The following ROBO2 variants were observed in gnomAD, a reference collection of about 807,000 sequenced individuals.
ROBO2 encodes roundabout guidance receptor 2.
In ROBO2, 53 loss-of-function variants were observed where a neutral mutation model predicts 160.8. The ratio of observed to expected loss-of-function variants is 0.33; its 90% CI spans 0.26 to 0.41. ROBO2 has a LOEUF of 0.41. ROBO2 is among the 10% of genes least tolerant of loss of function. The pLI, the probability that ROBO2 is intolerant of heterozygous loss-of-function variation, is 1.00. For missense variants in ROBO2, 1,577 were observed against 1,722.4 expected, an observed-to-expected ratio of 0.92 and a Z score of 1.49; for synonymous variants, 664 against 611.7, an observed-to-expected ratio of 1.09 and a Z score of -1.26.
intron 21 of ROBO2, 124 bp downstream of exon 22, chr3:77,608,078 T>C (rs1270907962): frequency 2.4e-6 from 2 of 820,056 alleles, no homozygotes; most frequent in Non-Finnish European, 4.1e-6. Context: ...GTTCATTGCA[T>C]TTCCCCCTCT....
chr3:76,396,207 A>G (rs1474818191), intron 2 of ROBO2, among the ~76,000 whole-genome samples: 2 of 152,152 alleles, frequency 1.3e-5, no homozygotes, highest in African/African-American at 4.8e-5. Context: ...TATAAACAGA[A>G]CCAAAGACAA....
chr3:76,638,783 A>G (rs898148063), intron 2 of ROBO2, among the ~76,000 whole-genome samples: 1 of 152,098 alleles, frequency 6.6e-6, no homozygotes, highest in Non-Finnish European at 1.5e-5. Flanking sequence ...TACTCTGAGT[A>G]TGTAGGAAAA....
chr3:76,445,675 A>G (rs2077145136), intron 2 of ROBO2, among the ~76,000 whole-genome samples: 1 of 152,174 alleles, frequency 6.6e-6, no homozygotes, highest in African/African-American at 2.4e-5. Flanking sequence ...GCAACTCATC[A>G]AAAAGCTTAT....
intron 2 of ROBO2, among the ~76,000 whole-genome samples, chr3:76,380,447 A>T (rs1483349254): frequency 6.6e-6 from 1 of 152,184 alleles, no homozygotes; most frequent in Non-Finnish European, 1.5e-5. Context: ...CCGAGTTTGA[A>T]CTATGAGGGT....
At chr3:77,625,979 G>T (rs532208091) in intron 23 of ROBO2, among the ~76,000 whole-genome samples, 1 of 151,984 alleles carries the variant, frequency 6.6e-6, no homozygotes, top group Non-Finnish European at 1.5e-5. Flanking sequence ...TAAAGCCTTT[G>T]TCCAGGTTAC....
intron 2 of ROBO2, among the ~76,000 whole-genome samples, chr3:76,299,707 G>A (rs1709262441): frequency 6.6e-6 from 1 of 152,152 alleles, no homozygotes; most frequent in Admixed American, 6.5e-5. Flanking sequence ...AAAGGTGAGA[G>A]ATGTTAGTGG....
intron 2 of ROBO2, among the ~76,000 whole-genome samples, chr3:77,298,145 G>A (rs900526407): frequency 6.6e-6 from 1 of 152,244 alleles, no homozygotes; most frequent in African/African-American, 2.4e-5. Flanking sequence ...AATTCTGAAG[G>A]TTGTGACTTA....
rs10654899 is a variant in ROBO2 at position 77,219,489 on chromosome 3, GTATATATATA to G, written c.388+121165_388+121174del. The stretch of plus-strand genomic sequence containing the variant: ...CTGTGTATATATATATATATAATCT[GTATATATATA>G]TATATATATATATATCTGTGTGTGT... On this transcript the variant is annotated intron_variant, in intron 2 of 25. Transcript: ENST00000461745. Among the ~76,000 whole-genome samples, 58 of 111,474 alleles carry G rather than the reference GTATATATATA, an allele frequency of 5.2e-4. 1 individual carries two copies. The highest frequency in any genetic ancestry group is 1.8e-3 in the African/African-American group (54 of 30,810). The allele number at this position is 111,474 out of a possible 152,430, so 73.1% of individuals were successfully genotyped here.
chr3:76,912,008 A>C, intron 2 of ROBO2, among the ~76,000 whole-genome samples: 1 of 152,274 alleles, frequency 6.6e-6, no homozygotes, highest in East Asian at 1.9e-4. Flanking sequence ...AGGATTTTTT[A>C]AGTAGATGTG....
intron 2 of ROBO2, among the ~76,000 whole-genome samples, chr3:76,516,221 C>T (rs1458762624): frequency 1.3e-5 from 2 of 152,142 alleles, no homozygotes; most frequent in Non-Finnish European, 2.9e-5. Flanking sequence ...AACTGGGACT[C>T]TATGAGCAAC....
intron 2 of ROBO2, chr3:75,937,655 A>G: frequency 8.6e-7 from 1 of 1,165,976 alleles, no homozygotes; most frequent in Non-Finnish European, 1.2e-6. Flanking sequence ...ATTTCACTTT[A>G]TGATGATATT....
chr3:76,521,045 CTTTTTTTTTT>C (rs58517740), intron 2 of ROBO2, among the ~76,000 whole-genome samples: 2 of 100,122 alleles, frequency 2.0e-5, no homozygotes, highest in Non-Finnish European at 3.8e-5. Context: ...AAAATTGCTT[CTTTTTTTTTT>C]TTTTTTTTTT....
intron 2 of ROBO2, among the ~76,000 whole-genome samples, chr3:76,876,328 C>G (rs1001599737): frequency 6.6e-6 from 1 of 152,110 alleles, no homozygotes; most frequent in African/African-American, 2.4e-5. Flanking sequence ...TGAATCTGTT[C>G]CAATTATTAG....
chr3:76,934,527 G>A (rs2077563340), intron 2 of ROBO2, among the ~76,000 whole-genome samples: 2 of 152,034 alleles, frequency 1.3e-5, no homozygotes, highest in South Asian at 4.1e-4. Context: ...CGGATCACGA[G>A]GTCAAGAGAT....
intron 2 of ROBO2, among the ~76,000 whole-genome samples, chr3:76,611,614 T>C (rs983635104): frequency 6.6e-6 from 1 of 152,198 alleles, no homozygotes; most frequent in Admixed American, 6.5e-5. Context: ...TCAGTTGTAA[T>C]GTTTCAGTTT....
At chr3:77,267,700 T>C (rs1182498925) in intron 2 of ROBO2, among the ~76,000 whole-genome samples, 1 of 152,196 alleles carries the variant, frequency 6.6e-6, no homozygotes, top group Non-Finnish European at 1.5e-5. Context: ...AGTAGTAATT[T>C]ATTGATGCAG....
intron 2 of ROBO2, among the ~76,000 whole-genome samples, chr3:76,182,321 C>T (rs541490720): frequency 1.2e-4 from 19 of 152,196 alleles, no homozygotes; most frequent in African/African-American, 4.1e-4. Context: ...ATTCATGATC[C>T]AGAAACTGGA....
intron 2 of ROBO2, among the ~76,000 whole-genome samples, chr3:77,103,867 A>C (rs1579002921): frequency 6.6e-6 from 1 of 152,206 alleles, no homozygotes; most frequent in African/African-American, 2.4e-5. Context: ...GGCACTGAAA[A>C]TGAAGACAAG....
At position 76,446,495 on chromosome 3, in the gene ROBO2, C is replaced by T. The variant is rs573120963; in HGVS notation, c.109+508893C>T. Reference sequence around the variant, plus strand: ...GTAATTAATAGATTCAATGCCATCCCCATCAAGCTACCAATGACTTTCTTC... The same window carrying T: ...GTAATTAATAGATTCAATGCCATCCTCATCAAGCTACCAATGACTTTCTTC... On this transcript the variant is annotated intron_variant, in intron 2 of 26. Transcript: ENST00000487694. Among the ~76,000 whole-genome samples, 35 of 152,208 alleles carry T rather than the reference C, an allele frequency of 2.3e-4. 1 individual carries two copies. The highest frequency in any genetic ancestry group is 2.2e-3 in the Admixed American group (33 of 15,284).
Sources: gnomAD v4.1 joint callset for allele counts (sites outside exome capture counted in the v4.1 genomes callset) on GRCh38, gnomAD v4.1.1 for gene constraint, MANE v1.5 for transcripts, NCBI Gene and HGNC (gene_info 2026-07-23, HGNC 2026-07-21) for gene names.